Variants in NEK6 observed in about 807,000 individuals in gnomAD.
NEK6 encodes NIMA related kinase 6, also known as serine/threonine-protein kinase Nek6.
NEK6 carries 27 observed loss-of-function variants against 43.5 expected under a neutral mutation model. That is an observed-to-expected ratio of 0.62 (90% CI 0.46 to 0.86). The LOEUF is 0.86. NEK6 is among the 40% of genes least tolerant of loss of function. The probability of loss-of-function intolerance (pLI) is 0.00; values close to 1 mark genes in which losing one functional copy is unlikely to be tolerated. For missense variants in NEK6, 318 were observed against 414.4 expected, an observed-to-expected ratio of 0.77 and a Z score of 2.02; for synonymous variants, 167 against 164.1, an observed-to-expected ratio of 1.02 and a Z score of -0.14.
chr9:124,294,770 T>C (rs1444711947), intron 1 of NEK6, among the ~76,000 whole-genome samples: 1 of 152,142 alleles, frequency 6.6e-6, no homozygotes, highest in Non-Finnish European at 1.5e-5. Flanking sequence ...GACCTTTTGC[T>C]GTGGAGTTTC....
intron 1 of NEK6, among the ~76,000 whole-genome samples, chr9:124,282,252 T>G (rs1158253719): frequency 6.6e-6 from 1 of 152,136 alleles, no homozygotes; most frequent in Non-Finnish European, 1.5e-5. Context: ...CTAGCCACCC[T>G]CCTTGTTCCT....
intron 3 of NEK6, 123 bp from the exon 4 acceptor site, chr9:124,313,800 G>A (rs1400566431): frequency 2.4e-5 from 21 of 888,698 alleles, no homozygotes; most frequent in Non-Finnish European, 3.2e-5. Flanking sequence ...TGCAGGGGGG[G>A]GTCACAGAGT....
chr9:124,327,452 G>C lies in NEK6; in HGVS notation c.622+7G>C. On this transcript the variant is annotated splice_region_variant and intron_variant, in intron 7 of 9. Coordinates refer to ENST00000320246, the MANE Select transcript of NEK6 (RefSeq NM_014397.6). ...ACCGCAGCCCACTCCCTAGGTAAGG[G>C]GGACCTGTCTGTGCCCCAGCAGCCC... The C allele has an allele frequency of 6.2e-7, 1 of 1,609,226 alleles. No homozygotes were observed. Among genetic ancestry groups the C allele is most frequent in the East Asian group, 2.2e-5 (1 of 44,870 alleles).
intron 1 of NEK6, among the ~76,000 whole-genome samples, chr9:124,290,429 G>A (rs907479833): frequency 6.6e-6 from 1 of 152,252 alleles, no homozygotes; most frequent in African/African-American, 2.4e-5. Flanking sequence ...GTTGGGGCCG[G>A]CTGGTGGGAA....
intron 1 of NEK6, among the ~76,000 whole-genome samples, chr9:124,288,094 C>T (rs1020352808): frequency 3.9e-5 from 6 of 152,218 alleles, no homozygotes; most frequent in Non-Finnish European, 1.5e-5. Flanking sequence ...AAGGCGGATC[C>T]CCAGAGGCCC....
chr9:124,286,531 A>G (rs1832168139), intron 1 of NEK6: 1 of 152,240 alleles, frequency 6.6e-6, no homozygotes, highest in Admixed American at 6.5e-5. Flanking sequence ...GCATCCTTCT[A>G]AGAAGCGAGG....
chr9:124,297,973 A>C (rs1832775814), intron 1 of NEK6, among the ~76,000 whole-genome samples: 1 of 152,186 alleles, frequency 6.6e-6, no homozygotes. Context: ...AAATGCCCTA[A>C]AATCCAATAC....
intron 1 of NEK6, among the ~76,000 whole-genome samples, chr9:124,259,908 G>A (rs533897613): frequency 6.6e-6 from 1 of 152,192 alleles, no homozygotes; most frequent in Non-Finnish European, 1.5e-5. Context: ...GAAATGGAGC[G>A]CCTGGCTTTA....
chr9:124,334,004 C>G (rs995427623), intron 7 of NEK6, among the ~76,000 whole-genome samples: 2 of 152,098 alleles, frequency 1.3e-5, no homozygotes, highest in African/African-American at 4.8e-5. Context: ...GTCTCGATCT[C>G]CTGACCTCGT....
rs1830301006 is a variant in NEK6 at position 124,352,010 on chromosome 9, C to A, written c.*1063C>A. The stretch of plus-strand genomic sequence containing the variant: ...TACACCTGTATCATGTGTAGGAAAC[C>A]AGAAATGTGTTCCTTATTTCTTGTT... On this transcript the variant is annotated 3_prime_UTR_variant, in exon 10 of 10. Transcript: ENST00000320246. The A allele has an allele frequency of 6.6e-6, 1 of 152,664 alleles. No individual in the cohort carries two copies. The highest frequency in any genetic ancestry group is 2.4e-5 in the African/African-American group (1 of 41,452). 9.5% of individuals were successfully genotyped at this position (152,664 alleles called of 1,614,324 possible). A position where few individuals can be genotyped will look rare whatever the true frequency, so the allele number is the denominator to read the frequency against.
At chr9:124,287,216 A>G (rs1832204889) in intron 1 of NEK6, among the ~76,000 whole-genome samples, 1 of 152,126 alleles carries the variant, frequency 6.6e-6, no homozygotes, top group African/African-American at 2.4e-5. Context: ...CGAACCCAGG[A>G]TTGGGGCCCC....
rs76687627 is a variant in NEK6 at position 124,286,829 on chromosome 9, A to C, written c.-29-15107A>C. Among the ~76,000 whole-genome samples the C allele has an allele frequency of 5.7e-3, 867 of 152,306 alleles. 7 individuals carry two copies. Among genetic ancestry groups the C allele is most frequent in the African/African-American group, 0.02 (834 of 41,572 alleles). On this transcript the variant is annotated intron_variant, in intron 1 of 9. Transcript: ENST00000320246. Reference sequence around the variant, plus strand: ...TGAGTCTGTCTCCGAAGCTGCTGACATGAGTAGGGACTTCCCCTCTCTGAG... The same window carrying C: ...TGAGTCTGTCTCCGAAGCTGCTGACCTGAGTAGGGACTTCCCCTCTCTGAG...
intron 5 of NEK6, among the ~76,000 whole-genome samples, chr9:124,322,723 C>T (rs998124902): frequency 1.8e-4 from 27 of 152,268 alleles, no homozygotes; most frequent in African/African-American, 5.3e-4. Flanking sequence ...GGCTGGGCCC[C>T]GCTGGAGCCC....
intron 1 of NEK6, among the ~76,000 whole-genome samples, chr9:124,279,371 G>A (rs935777678): frequency 4.1e-5 from 6 of 147,980 alleles, no homozygotes; most frequent in Admixed American, 2.0e-4. Flanking sequence ...GCACGATCTC[G>A]GCTCACTGCA....
chr9:124,276,646 A>G (rs1191140884), intron 1 of NEK6, among the ~76,000 whole-genome samples: 3 of 152,224 alleles, frequency 2.0e-5, no homozygotes, highest in African/African-American at 7.2e-5. Context: ...TCCTCCATAC[A>G]TGCAAATCCT....
chr9:124,304,378 A>G (rs1008200760), intron 2 of NEK6, among the ~76,000 whole-genome samples: 1 of 152,190 alleles, frequency 6.6e-6, no homozygotes, highest in African/African-American at 2.4e-5. Context: ...GAATGCTTTG[A>G]TGTGGGCCAG....
intron 7 of NEK6, among the ~76,000 whole-genome samples, chr9:124,329,471 T>C (rs1216353121): frequency 6.6e-6 from 1 of 152,186 alleles, no homozygotes; most frequent in African/African-American, 2.4e-5. Flanking sequence ...GCACTTATTA[T>C]ATTAATGAGA....
intron 3 of NEK6, 38 bp from the exon 4 acceptor site, chr9:124,313,885 T>C: frequency 3.1e-6 from 5 of 1,611,346 alleles, no homozygotes; most frequent in Non-Finnish European, 3.4e-6. Context: ...TGGACACAGA[T>C]TGTAACCACT....
chr9:124,285,016 G>A (rs1213216223), intron 1 of NEK6, among the ~76,000 whole-genome samples: 1 of 152,238 alleles, frequency 6.6e-6, no homozygotes, highest in Non-Finnish European at 1.5e-5. Flanking sequence ...GTGGCTGTTA[G>A]TGTGAGTATT....
Sources: gnomAD v4.1 joint callset for allele counts (sites outside exome capture counted in the v4.1 genomes callset) on GRCh38, gnomAD v4.1.1 for gene constraint, MANE v1.5 for transcripts, NCBI Gene and HGNC (gene_info 2026-07-23, HGNC 2026-07-21) for gene names.